CNTNAP4: variants seen among roughly 807,000 people sequenced by gnomAD.
CNTNAP4 encodes contactin-associated protein-like 4.
CNTNAP4 carries 98 observed loss-of-function variants against 148.4 expected under a neutral mutation model. That is an observed-to-expected ratio of 0.66 (90% CI 0.56 to 0.78). The LOEUF (loss-of-function observed/expected upper bound fraction) is 0.78, where lower values mean the gene tolerates loss of function less well. Among genes scored for constraint, CNTNAP4 ranks in the 30% least tolerant of loss-of-function variants. The probability of loss-of-function intolerance (pLI) is 0.00; values close to 1 mark genes in which losing one functional copy is unlikely to be tolerated. For missense variants in CNTNAP4, 1,935 were observed against 1,565.6 expected (o/e 1.24, Z -3.98); for synonymous variants, 730 against 565.1 (o/e 1.29, Z -4.14).
At chr16:76,542,053 G>A (rs11863138) in intron 21 of CNTNAP4, among the ~76,000 whole-genome samples, 84,334 of 152,028 alleles carry the variant, frequency 0.55, 23,496 homozygotes, top group African/African-American at 0.62. Context: ...GTTGATTCAA[G>A]TCTTGTCCTC....
At chr16:76,391,809 G>C (rs2017021750) in intron 3 of CNTNAP4, among the ~76,000 whole-genome samples, 1 of 152,108 alleles carries the variant, frequency 6.6e-6, no homozygotes, top group South Asian at 2.1e-4. Flanking sequence ...AGAAATACAG[G>C]ATCTCAGTCA....
At chr16:76,375,486 C>G (rs1055714086) in intron 3 of CNTNAP4, among the ~76,000 whole-genome samples, 1 of 152,156 alleles carries the variant, frequency 6.6e-6, no homozygotes, top group East Asian at 1.9e-4. Context: ...TTGCATAGGG[C>G]TTTGCACTGG....
intron 2 of CNTNAP4, among the ~76,000 whole-genome samples, chr16:76,344,118 C>G (rs1751340729): frequency 6.6e-6 from 1 of 152,062 alleles, no homozygotes; most frequent in African/African-American, 2.4e-5. Context: ...CCCTATCAGT[C>G]TATTGTAGAA....
chr16:76,312,581 A>T (rs1961246883), intron 1 of CNTNAP4, among the ~76,000 whole-genome samples: 1 of 152,202 alleles, frequency 6.6e-6, no homozygotes, highest in Non-Finnish European at 1.5e-5. Context: ...GAAATAAAAA[A>T]ATAGCATGGC....
chr16:76,536,863 C>T (rs2084236432), intron 18 of CNTNAP4, among the ~76,000 whole-genome samples: 1 of 152,100 alleles, frequency 6.6e-6, no homozygotes, highest in Non-Finnish European at 1.5e-5. Flanking sequence ...AATTTAAATT[C>T]ATTTACTTTA....
Position 76,395,165 on chromosome 16 carries a change from G to A in CNTNAP4, c.391-32287G>A, listed in dbSNP as rs115303252. ...TGCAGCCAGGCTTCAGAGAGATCAC[G>A]ACCTTTTGAAGCTGCTTAAATCAGA... On this transcript the variant is annotated intron_variant, in intron 3 of 23. Transcript: ENST00000611870. 8.1e-3 allele frequency among the ~76,000 whole-genome samples: 1,228 copies of A among 152,220 alleles called. 20 individuals are homozygous for A. The highest frequency in any genetic ancestry group is 0.028 in the African/African-American group (1,172 of 41,544).
intron 17 of CNTNAP4, among the ~76,000 whole-genome samples, chr16:76,526,698 G>C (rs950861053): frequency 6.6e-6 from 1 of 152,072 alleles, no homozygotes; most frequent in African/African-American, 2.4e-5. Context: ...TTTTGAGACA[G>C]AGTCTCACTA....
In CNTNAP4 at chr16:76,413,377, C is replaced by G. The variant is rs954680124; in HGVS notation, c.391-14075C>G. On this transcript the variant is annotated intron_variant, in intron 3 of 23. Coordinates refer to ENST00000611870, the MANE Select transcript of CNTNAP4 (RefSeq NM_033401.5). Reference sequence around the variant, plus strand: ...CAATGTGGATATCCAATTTATACAGCACCATGTATTTAAAAGAATTATTTT... The same window carrying G: ...CAATGTGGATATCCAATTTATACAGGACCATGTATTTAAAAGAATTATTTT... 2.0e-5 allele frequency among the ~76,000 whole-genome samples: 3 copies of G among 151,360 alleles called. No homozygotes were observed. The South Asian group carries it at 6.2e-4, about 31-fold the overall frequency.
intron 15 of CNTNAP4, among the ~76,000 whole-genome samples, chr16:76,511,421 A>C (rs1043698782): frequency 1.3e-5 from 2 of 152,190 alleles, no homozygotes; most frequent in Admixed American, 6.6e-5. Context: ...ATAACTTTGC[A>C]GAAGTGAGAC....
chr16:76,345,776 C>T (rs1249907522), intron 2 of CNTNAP4, among the ~76,000 whole-genome samples: 1 of 152,130 alleles, frequency 6.6e-6, no homozygotes, highest in Non-Finnish European at 1.5e-5. Context: ...ATTTACACCT[C>T]AAGGGGCAGA....
chr16:76,452,803 G>C lies in CNTNAP4; in HGVS notation c.1333+34G>C, dbSNP rs748064545. On this transcript the variant is annotated intron_variant, in intron 8 of 23. Coordinates refer to ENST00000611870, the MANE Select transcript of CNTNAP4 (RefSeq NM_033401.5). ...TGTATTCCCTGGGGCAAAGCATATG[G>C]ATTTGAAAGATTTCATTATCTCTGT... 1.9e-5 allele frequency: 28 copies of C among 1,476,210 alleles called. No homozygotes were observed. The Admixed American group carries it at 2.1e-4, about 11-fold the overall frequency. 91.4% of individuals were successfully genotyped at this position (1,476,210 alleles called of 1,614,324 possible).
intron 2 of CNTNAP4, among the ~76,000 whole-genome samples, chr16:76,334,027 C>A (rs1050360765): frequency 6.6e-6 from 1 of 151,524 alleles, no homozygotes; most frequent in Non-Finnish European, 1.5e-5. Context: ...AGCATTTTTT[C>A]ATGCAGCCAT....
intron 2 of CNTNAP4, among the ~76,000 whole-genome samples, chr16:76,321,531 T>C (rs1962410161): frequency 6.6e-6 from 1 of 152,204 alleles, no homozygotes; most frequent in African/African-American, 2.4e-5. Context: ...GGCTCATGCT[T>C]GTAATCCCAG....
In CNTNAP4 at chr16:76,507,967, A is replaced by G. The variant is rs1201395586; in HGVS notation, c.2365+9273A>G. On this transcript the variant is annotated intron_variant, in intron 15 of 23. Coordinates refer to ENST00000611870, the MANE Select transcript of CNTNAP4 (RefSeq NM_033401.5). ...ACACTCAGATTAAAACTCTTCCACCATGATTTCTAGATGACCTAGTCATTC... is the reference window on the plus strand; with the variant it reads ...ACACTCAGATTAAAACTCTTCCACCGTGATTTCTAGATGACCTAGTCATTC... 4.1e-5 allele frequency among the ~76,000 whole-genome samples: 4 copies of G among 97,484 alleles called. 2 individuals carry two copies. The highest frequency in any genetic ancestry group is 1.2e-4 in the Non-Finnish European group (4 of 34,358). The allele number at this position is 97,484 out of a possible 152,430, so 64.0% of individuals were successfully genotyped here. A position where few individuals can be genotyped will look rare whatever the true frequency, so the allele number is the denominator to read the frequency against.
intron 1 of CNTNAP4, among the ~76,000 whole-genome samples, chr16:76,286,348 A>G (rs144877924): frequency 1.6e-4 from 25 of 152,232 alleles, no homozygotes. Context: ...CATATTTGCT[A>G]TCCATACCAG....
At position 76,402,030 on chromosome 16, in the gene CNTNAP4, T is replaced by G. The variant is rs1353792534; in HGVS notation, c.391-25422T>G. 2.0e-5 allele frequency among the ~76,000 whole-genome samples: 3 copies of G among 152,278 alleles called. No homozygotes were observed. In the East Asian group the frequency reaches 5.8e-4, roughly 29 times the overall value. ...ATTTTTGTTGTATCTCTGCCAGGTT[T>G]TGGTATCAGGATGATATTTACCTCA... is the stretch of plus-strand genomic sequence containing the variant. On this transcript the variant is annotated intron_variant, in intron 3 of 23. Coordinates refer to ENST00000611870, the MANE Select transcript of CNTNAP4 (RefSeq NM_033401.5).
chr16:76,396,778 T>C (rs939399648), intron 3 of CNTNAP4, among the ~76,000 whole-genome samples: 4 of 152,328 alleles, frequency 2.6e-5, no homozygotes, highest in African/African-American at 4.8e-5. Context: ...TGTTCAACAC[T>C]TCCTGCAAAG....
intron 3 of CNTNAP4, among the ~76,000 whole-genome samples, chr16:76,394,604 T>A (rs1002020882): frequency 6.6e-5 from 10 of 152,230 alleles, no homozygotes; most frequent in Non-Finnish European, 4.4e-5. Flanking sequence ...ATAACGTATT[T>A]AAGTGAGGTT....
Position 76,553,472 on chromosome 16 carries a change from C to A in CNTNAP4, c.3632C>A (p.Thr1211Lys). The change falls in exon 22 of 24, where the codon ACA (threonine) becomes AAA (lysine). Residue 1211 changes from threonine (T) to lysine (K), a missense_variant. Thr to Lys is a moderately conservative substitution (Grantham distance 78, BLOSUM62 -1). Coordinates refer to ENST00000611870, the MANE Select transcript of CNTNAP4 (RefSeq NM_033401.5). Reference protein sequence around the residue: ...SCMAQPGTDATSRERTHSFAD... With the variant: ...SCMAQPGTDAKSRERTHSFAD... ...ATGGCCCAGCCTGGCACTGATGCCA[C>A]ATCAAGGGAAAGGACACACTCGTTT... The A allele has an allele frequency of 6.2e-7, 1 of 1,611,952 alleles. No individual in the cohort carries two copies. The highest frequency in any genetic ancestry group is 8.5e-7 in the Non-Finnish European group (1 of 1,178,938).
Sources: allele counts gnomAD v4.1 joint callset (sites outside exome capture counted in the v4.1 genomes callset), GRCh38; gene constraint gnomAD v4.1.1; transcripts MANE v1.5; gene names NCBI Gene and HGNC (gene_info 2026-07-23, HGNC 2026-07-21).